MYO19: variants seen among roughly 807,000 people sequenced by gnomAD.
The protein encoded by MYO19 is unconventional myosin-XIX.
A neutral mutation model predicts 129.2 loss-of-function variants in MYO19; 132 were observed. The observed-to-expected ratio is 1.02, with a 90% CI of 0.89 to 1.18. The LOEUF is 1.18. MYO19 is among the 50% of genes most tolerant of loss of function. The pLI is 0.00. For missense variants in MYO19, 1,210 were observed against 1,216.7 expected, an observed-to-expected ratio of 0.99 and a Z score of 0.08; for synonymous variants, 531 against 477.2, an observed-to-expected ratio of 1.11 and a Z score of -1.47.
At chr17:36,538,028 C>T (rs1352254999), upstream of MYO19, 4 of 1,614,038 alleles carry the variant, frequency 2.5e-6, no homozygotes, top group South Asian at 1.1e-5. Context: ...TAATCTCTAC[C>T]CTGGGGTATG....
At chr17:36,496,617 C>G (rs1232656876) in intron 25 of MYO19, among the ~76,000 whole-genome samples, 4 of 152,174 alleles carry the variant, frequency 2.6e-5, no homozygotes, top group South Asian at 2.1e-4. Context: ...GAATGTCTGT[C>G]ACATTCCTAT....
At chr17:36,543,438 G>A (rs1039103713), upstream of MYO19, 3 of 152,246 alleles carry the variant, frequency 2.0e-5, no homozygotes, top group African/African-American at 7.2e-5. Flanking sequence ...ACCGGCGTGA[G>A]CCATGACCCC....
intron 2 of MYO19, among the ~76,000 whole-genome samples, chr17:36,540,614 G>T (rs748677701): frequency 2.0e-5 from 3 of 151,660 alleles, no homozygotes; most frequent in Non-Finnish European, 2.9e-5. Flanking sequence ...CAAGTGATCC[G>T]CCCACCTTGG....
At chr17:36,544,402 G>C (rs1016530697), upstream of MYO19, among the ~76,000 whole-genome samples, 4 of 152,160 alleles carry the variant, frequency 2.6e-5, no homozygotes, top group African/African-American at 9.7e-5. Context: ...GTGGCGTCAA[G>C]GGCCAAGAGC....
intron 2 of MYO19, among the ~76,000 whole-genome samples, chr17:36,541,029 C>T (rs2074195041): frequency 6.6e-6 from 1 of 151,938 alleles, no homozygotes; most frequent in Non-Finnish European, 1.5e-5. Flanking sequence ...TGCTCTGTTA[C>T]CCAGGCTAGA....
chr17:36,525,155 C>A, intron 6 of MYO19, 73 bp downstream of exon 6: 1 of 1,136,600 alleles, frequency 8.8e-7, no homozygotes, highest in South Asian at 1.3e-5. Flanking sequence ...CAAGGAAGGC[C>A]AAGGAATGAC....
intron 19 of MYO19, chr17:36,505,055 T>C (rs897782426): frequency 8.2e-6 from 6 of 728,980 alleles, no homozygotes; most frequent in Admixed American, 1.7e-5. Flanking sequence ...TCAGGGTACA[T>C]GGCTCAAAAA....
chr17:36,533,829 C>T (rs2073970506), intron 2 of MYO19, 124 bp downstream of exon 2: 1 of 152,238 alleles, frequency 6.6e-6, no homozygotes, highest in African/African-American at 2.4e-5. Context: ...GGGTTTGAAT[C>T]CAAAACCCAA....
rs1336440531 is a variant in MYO19 at position 36,507,940 on chromosome 17, A to G, written c.1232-16T>C. 1 of 1,588,376 alleles carries G rather than the reference A, an allele frequency of 6.3e-7. No homozygotes were observed. Among genetic ancestry groups the G allele is most frequent in the African/African-American group, 1.3e-5 (1 of 74,314 alleles). ...TCCAGCAGGCCTGGGAAGATGGCAG[A>G]GAACCCATGGGGCCACTGCAGGGAG... is the stretch of plus-strand genomic sequence containing the variant. On this transcript the variant is annotated splice_polypyrimidine_tract_variant and intron_variant, in intron 14 of 25. Coordinates refer to ENST00000614623, the MANE Select transcript of MYO19 (RefSeq NM_001163735.2).
intron 2 of MYO19, among the ~76,000 whole-genome samples, chr17:36,540,719 A>G (rs891704441): frequency 1.3e-5 from 2 of 152,144 alleles, no homozygotes; most frequent in Non-Finnish European, 2.9e-5. Context: ...GTGTCAGCTC[A>G]TGAAAAAGAA....
intron 3 of MYO19, among the ~76,000 whole-genome samples, 152 bp downstream of exon 3, chr17:36,532,373 AAG>A (rs1278804991): frequency 2.0e-5 from 3 of 152,312 alleles, no homozygotes; most frequent in East Asian, 3.9e-4. Flanking sequence ...AGGTATCAGG[AAG>A]AGTTTCTTGA....
At chr17:36,508,103 A>G in intron 14 of MYO19, 179 bp from the exon 15 acceptor site, 1 of 575,432 alleles carries the variant, frequency 1.7e-6, no homozygotes, top group Non-Finnish European at 2.8e-6. Context: ...CCTCCACCCA[A>G]GGTGGCTCCC....
chr17:36,531,822 G>A (rs1190778454), intron 3 of MYO19, among the ~76,000 whole-genome samples: 2 of 152,132 alleles, frequency 1.3e-5, no homozygotes, highest in Admixed American at 6.5e-5. Flanking sequence ...AGCTCCTTGA[G>A]GGCAAGCACC....
At chr17:36,517,461 T>A (rs990273320) in intron 6 of MYO19, among the ~76,000 whole-genome samples, 1 of 152,156 alleles carries the variant, frequency 6.6e-6, no homozygotes, top group Non-Finnish European at 1.5e-5. Flanking sequence ...GCTTTCACCA[T>A]GTTGGTCAGG....
chr17:36,509,046 A>G lies in MYO19; in HGVS notation c.1231+16T>C. On this transcript the variant is annotated intron_variant, in intron 14 of 25. Transcript: ENST00000614623. The stretch of plus-strand genomic sequence containing the variant: ...TCTTTTTCTGGAGTGCTCCCAGCAC[A>G]GTGAGGCCTTGCTACCTATGAAAGT... The G allele has an allele frequency of 6.2e-7, 1 of 1,611,924 alleles. No individual in the cohort carries two copies. Among genetic ancestry groups the G allele is most frequent in the Non-Finnish European group, 8.5e-7 (1 of 1,178,516 alleles).
Position 36,532,516 on chromosome 17 carries a change from T to C in MYO19, c.12+11A>G. 1 of 1,554,768 alleles carries C rather than the reference T, an allele frequency of 6.4e-7. No individual in the cohort carries two copies. The highest frequency in any genetic ancestry group is 1.2e-5 in the South Asian group (1 of 84,166). ...CTTGAGGGCCTGGGTTATCTAAGGT[T>C]GAGGTTTTACCTGCTGGAGCATCCT... On this transcript the variant is annotated intron_variant, in intron 3 of 25. Transcript: ENST00000614623.
At chr17:36,513,557 G>T in intron 10 of MYO19, 52 bp from the exon 11 acceptor site, 1 of 1,613,698 alleles carries the variant, frequency 6.2e-7, no homozygotes, top group South Asian at 1.1e-5. Flanking sequence ...AAGATGCGAG[G>T]GAGGCAGGCT....
intron 21 of MYO19, among the ~76,000 whole-genome samples, chr17:36,502,472 T>C (rs886521406): frequency 1.3e-5 from 2 of 152,102 alleles, no homozygotes; most frequent in African/African-American, 4.8e-5. Context: ...ACCAGTTTCT[T>C]CCAACAAATA....
At chr17:36,542,080 C>A (rs1020378041) in intron 2 of MYO19, 4 of 152,198 alleles carry the variant, frequency 2.6e-5, no homozygotes, top group Admixed American at 6.5e-5. Context: ...CAGCAACTTA[C>A]CTAGCAAATC....
Sources: allele counts gnomAD v4.1 joint callset (sites outside exome capture counted in the v4.1 genomes callset), GRCh38; gene constraint gnomAD v4.1.1; transcripts MANE v1.5; gene names NCBI Gene and HGNC (gene_info 2026-07-23, HGNC 2026-07-21).